Variants in FBN2 observed in about 807,000 individuals in gnomAD.
FBN2 encodes the protein fibrillin 2.
A neutral mutation model predicts 355.6 loss-of-function variants in FBN2; 105 were observed. The observed-to-expected ratio is 0.30, with a 90% confidence interval of 0.25 to 0.35. The LOEUF (loss-of-function observed/expected upper bound fraction) is 0.35, where lower values mean the gene tolerates loss of function less well. Ranked by LOEUF, FBN2 falls within the 10% of genes least tolerant of loss-of-function variation. FBN2 has a pLI of 1.00. For missense variants in FBN2, 3,280 were observed against 3,758.7 expected, an observed-to-expected ratio of 0.87 and a Z score of 3.33; for synonymous variants, 1,350 against 1,301.2, an observed-to-expected ratio of 1.04 and a Z score of -0.81.
At chr5:128,316,611 A>C (rs1750209229) in intron 36 of FBN2, among the ~76,000 whole-genome samples, 1 of 152,148 alleles carries the variant, frequency 6.6e-6, no homozygotes, top group African/African-American at 2.4e-5. Context: ...CCTGGTCTAC[A>C]CTTCTACCAG....
intron 5 of FBN2, among the ~76,000 whole-genome samples, chr5:128,517,614 C>A (rs182812582): frequency 8.7e-4 from 132 of 152,034 alleles, no homozygotes; most frequent in African/African-American, 2.7e-3. Context: ...TATATACATC[C>A]AAATGTATGT....
chr5:128,411,180 A>G (rs952908139), intron 7 of FBN2, among the ~76,000 whole-genome samples: 3 of 152,024 alleles, frequency 2.0e-5, no homozygotes, highest in Non-Finnish European at 4.4e-5. Context: ...GCCGGCAGGA[A>G]CAAACCCTGT....
chr5:128,292,351 C>T (rs551833556), intron 48 of FBN2, among the ~76,000 whole-genome samples: 2 of 99,088 alleles, frequency 2.0e-5, no homozygotes, highest in South Asian at 3.3e-4. Context: ...GATTTTTCGT[C>T]GTTTTTTTTG....
intron 5 of FBN2, among the ~76,000 whole-genome samples, chr5:128,490,488 T>C (rs375573315): frequency 1.3e-5 from 2 of 152,160 alleles, no homozygotes; most frequent in South Asian, 2.1e-4. Flanking sequence ...AAACAAGAGT[T>C]TACACCTCTA....
At chr5:128,342,818 T>C (rs1471810475) in intron 25 of FBN2, among the ~76,000 whole-genome samples, 2 of 152,004 alleles carry the variant, frequency 1.3e-5, no homozygotes, top group Admixed American at 6.6e-5. Flanking sequence ...AACCTCCGCT[T>C]CCTGGGTTTA....
At chr5:128,526,423 A>G (rs972638788) in intron 4 of FBN2, among the ~76,000 whole-genome samples, 3 of 152,126 alleles carry the variant, frequency 2.0e-5, no homozygotes, top group Admixed American at 1.3e-4. Flanking sequence ...AACTTAAAGC[A>G]AGGGCCCAAA....
chr5:128,463,848 A>G (rs1014273253), intron 6 of FBN2, among the ~76,000 whole-genome samples: 1 of 152,164 alleles, frequency 6.6e-6, no homozygotes. Flanking sequence ...AAATAACCCT[A>G]ACTCTCAAAG....
intron 48 of FBN2, among the ~76,000 whole-genome samples, chr5:128,297,829 T>C (rs1029391492): frequency 5.1e-4 from 78 of 152,250 alleles, no homozygotes; most frequent in Admixed American, 1.4e-3. Flanking sequence ...GCATTTAGTC[T>C]ATTTACATTT....
chr5:128,352,054 A>G (rs1751381552), intron 20 of FBN2, among the ~76,000 whole-genome samples: 1 of 152,188 alleles, frequency 6.6e-6, no homozygotes, highest in African/African-American at 2.4e-5. Flanking sequence ...TCTGTTATGC[A>G]AAGGCCAATA....
Position 128,318,192 on chromosome 5 carries a change from G to C in FBN2, c.4674C>G (p.Cys1558Trp). 6.2e-7 allele frequency: 1 copy of C among 1,614,020 alleles called. No homozygotes were observed. ...VNTPGRYECN[C>W]PPDFQLNPTG... is the part of the protein sequence containing the mutation. ...TTGGGTTCAACTGAAAATCGGGTGG[G>C]CAGTTACACTCATAGCGACCAGGCG... The change falls in exon 36 of 65, where the codon TGC becomes TGG. Residue 1558 changes from cysteine to tryptophan, a missense_variant. Cys to Trp is a radical substitution (Grantham distance 215). Around this residue, in one of 6 missense-constraint regions of FBN2, gnomAD observed 2,284 missense variants for 2,749.5 expected, o/e 0.83. Coordinates refer to ENST00000262464, the MANE Select transcript of FBN2 (RefSeq NM_001999.4).
At chr5:128,521,314 G>A (rs1043593138) in intron 4 of FBN2, among the ~76,000 whole-genome samples, 13 of 152,204 alleles carry the variant, frequency 8.5e-5, no homozygotes, top group South Asian at 6.2e-4. Context: ...GGAACTGAAC[G>A]ATGAGAACAC....
chr5:128,294,976 G>C (rs868803843), intron 48 of FBN2, among the ~76,000 whole-genome samples: 3 of 147,954 alleles, frequency 2.0e-5, no homozygotes, highest in African/African-American at 7.5e-5. Flanking sequence ...TAGGTCTAAC[G>C]TTTAAGTCTT....
chr5:128,404,855 G>T (rs747252995), intron 8 of FBN2, among the ~76,000 whole-genome samples: 1 of 152,194 alleles, frequency 6.6e-6, no homozygotes, highest in South Asian at 2.1e-4. Context: ...AGAAAATGTA[G>T]TTTAGGTGAA....
chr5:128,468,530 G>A (rs931713456), intron 5 of FBN2, among the ~76,000 whole-genome samples: 10 of 152,088 alleles, frequency 6.6e-5, no homozygotes, highest in African/African-American at 2.4e-4. Context: ...AACTTTCTAC[G>A]AAACTGCCAA....
At chr5:128,342,853 C>T (rs1015827889) in intron 25 of FBN2, among the ~76,000 whole-genome samples, 3 of 151,996 alleles carry the variant, frequency 2.0e-5, no homozygotes, top group East Asian at 3.9e-4. Context: ...CTCAGCCTCC[C>T]GAGTAGCTGG....
intron 35 of FBN2, among the ~76,000 whole-genome samples, chr5:128,318,530 C>A (rs950521537): frequency 6.6e-6 from 1 of 151,078 alleles, no homozygotes; most frequent in Non-Finnish European, 1.5e-5. Flanking sequence ...ACTCTGAGGA[C>A]GAAAAAATTA....
At chr5:128,446,101 C>T (rs753338910) in intron 7 of FBN2, 4 of 197,678 alleles carry the variant, frequency 2.0e-5, no homozygotes, top group Non-Finnish European at 3.2e-5. Flanking sequence ...GTGCCAACTA[C>T]TAACACATCA....
intron 64 of FBN2, among the ~76,000 whole-genome samples, chr5:128,260,852 G>A (rs901685554): frequency 1.3e-5 from 2 of 152,102 alleles, no homozygotes; most frequent in Non-Finnish European, 2.9e-5. Context: ...TTTTTGGTGG[G>A]GTAATTTCTC....
intron 6 of FBN2, among the ~76,000 whole-genome samples, chr5:128,448,653 TAATATTGTA>T (rs994438626): frequency 2.0e-5 from 3 of 152,208 alleles, no homozygotes; most frequent in Non-Finnish European, 1.5e-5. Flanking sequence ...AGGAATATTG[TAATATTGTA>T]AATATTGTAA....
Sources: allele counts gnomAD v4.1 joint callset (sites outside exome capture counted in the v4.1 genomes callset), GRCh38; gene constraint gnomAD v4.1.1; regional missense constraint gnomAD v4.1.1; transcripts MANE v1.5; gene names NCBI Gene and HGNC (gene_info 2026-07-23, HGNC 2026-07-21).